The following KCNH7 variants were observed in gnomAD, a reference collection of about 807,000 sequenced individuals.
KCNH7 encodes the protein voltage-gated inwardly rectifying potassium channel KCNH7.
In KCNH7, 49 loss-of-function variants were observed where a neutral mutation model predicts 120.8. The observed-to-expected ratio is 0.41, with a 90% confidence interval of 0.32 to 0.51. The LOEUF (loss-of-function observed/expected upper bound fraction) is 0.51. KCNH7 is among the 20% of genes least tolerant of loss of function. The pLI, the probability that KCNH7 is intolerant of heterozygous loss-of-function variation, is 0.38. For synonymous variants in KCNH7, 547 were observed against 516.1 expected, an observed-to-expected ratio of 1.06 and a Z score of -0.81; for missense variants, 1,097 against 1,446.6, an observed-to-expected ratio of 0.76 and a Z score of 3.92.
At chr2:162,645,058 A>G (rs940389528) in intron 2 of KCNH7, among the ~76,000 whole-genome samples, 2 of 152,172 alleles carry the variant, frequency 1.3e-5, no homozygotes, top group African/African-American at 4.8e-5. Context: ...GCTCTGTTTT[A>G]GCAAAATCAG....
At chr2:162,729,405 GTTTTTCTT>G (rs57879870) in intron 2 of KCNH7, among the ~76,000 whole-genome samples, 7,451 of 151,780 alleles carry the variant, frequency 0.049, 530 homozygotes, top group African/African-American at 0.16. Flanking sequence ...CCCCAATTTT[GTTTTTCTT>G]TTTTTCTTTT....
chr2:162,807,273 A>AC (rs1300461137), intron 2 of KCNH7, among the ~76,000 whole-genome samples: 1,255 of 51,390 alleles, frequency 0.024, 49 homozygotes, highest in South Asian at 0.11. Context: ...AAAAAAAAAA[A>AC]AAAAAAAAAA....
chr2:162,674,490 AG>A (rs1301549789), intron 2 of KCNH7, among the ~76,000 whole-genome samples: 1 of 151,704 alleles, frequency 6.6e-6, no homozygotes, highest in Non-Finnish European at 1.5e-5. Flanking sequence ...GAAATTAAAA[AG>A]CTTATTCTTA....
intron 6 of KCNH7, among the ~76,000 whole-genome samples, chr2:162,468,790 G>T (rs185532052): frequency 6.6e-6 from 1 of 151,050 alleles, no homozygotes; most frequent in East Asian, 1.9e-4. Context: ...CTCATGATCC[G>T]CCCGCCTAGG....
intron 2 of KCNH7, among the ~76,000 whole-genome samples, chr2:162,689,779 C>A (rs1686036126): frequency 6.6e-6 from 1 of 151,978 alleles, no homozygotes. Flanking sequence ...GCTTTCCCAG[C>A]AGAAAATATA....
intron 5 of KCNH7, among the ~76,000 whole-genome samples, chr2:162,506,302 C>T (rs761077351): frequency 4.6e-5 from 7 of 151,782 alleles, no homozygotes; most frequent in Non-Finnish European, 4.4e-5. Context: ...ACAGAAACTC[C>T]GTTCTTCAGG....
intron 2 of KCNH7, among the ~76,000 whole-genome samples, chr2:162,698,567 C>G (rs1186601029): frequency 6.6e-6 from 1 of 151,814 alleles, no homozygotes; most frequent in Non-Finnish European, 1.5e-5. Flanking sequence ...CTCTAAGAAT[C>G]AACTGTGTTT....
At chr2:162,428,780 C>T (rs985761594) in intron 8 of KCNH7, among the ~76,000 whole-genome samples, 2 of 151,740 alleles carry the variant, frequency 1.3e-5, no homozygotes, top group East Asian at 3.9e-4. Context: ...GGTAATAGTA[C>T]CTGTCCTGAA....
chr2:162,592,788 CT>C (rs1694253484), intron 2 of KCNH7, among the ~76,000 whole-genome samples: 1 of 152,018 alleles, frequency 6.6e-6, no homozygotes, highest in African/African-American at 2.4e-5. Flanking sequence ...GCCTTATCAA[CT>C]TAGTTTCTGT....
intron 6 of KCNH7, among the ~76,000 whole-genome samples, chr2:162,496,392 C>T (rs1471016999): frequency 5.9e-5 from 9 of 152,014 alleles, no homozygotes; most frequent in African/African-American, 1.2e-4. Flanking sequence ...ACTAAGGGCC[C>T]GCATGCGCAC....
At chr2:162,487,568 C>G (rs1191766084) in intron 6 of KCNH7, among the ~76,000 whole-genome samples, 2 of 151,994 alleles carry the variant, frequency 1.3e-5, no homozygotes, top group Non-Finnish European at 2.9e-5. Context: ...ATCTAAGGCT[C>G]CTTTGAATTT....
intron 2 of KCNH7, among the ~76,000 whole-genome samples, chr2:162,540,642 G>A (rs1692272752): frequency 6.6e-6 from 1 of 152,062 alleles, no homozygotes; most frequent in Admixed American, 6.6e-5. Flanking sequence ...GTGGGACAGG[G>A]CAAGGTGGGG....
At chr2:162,700,752 A>G (rs1686467127) in intron 2 of KCNH7, among the ~76,000 whole-genome samples, 1 of 152,212 alleles carries the variant, frequency 6.6e-6, no homozygotes, top group Non-Finnish European at 1.5e-5. Context: ...CTTAACATTT[A>G]AGAATCTGTT....
intron 2 of KCNH7, among the ~76,000 whole-genome samples, chr2:162,627,533 C>T (rs991873241): frequency 2.0e-5 from 3 of 152,062 alleles, no homozygotes; most frequent in African/African-American, 4.8e-5. Flanking sequence ...AGTTCACAGT[C>T]AATAGGAATT....
Position 162,670,486 on chromosome 2 carries a change from A to G in KCNH7, c.308-133406T>C, listed in dbSNP as rs190827196. On this transcript the variant is annotated intron_variant, in intron 2 of 15. Transcript: ENST00000332142. ...GAACTCTGTCAAAAAAAAAAAAAAA[A>G]AAAAAAGAAAAATATTGACTGTATA... Among the ~76,000 whole-genome samples, 1,463 of 150,974 alleles carry G rather than the reference A, an allele frequency of 9.7e-3. 22 individuals carry two copies. The highest frequency in any genetic ancestry group is 0.015 in the South Asian group (74 of 4,798).
rs1314328802 is a variant in KCNH7, at chr2:162,400,228, T to A, written c.2368A>T (p.Ile790Phe). Residue 790 changes from isoleucine to phenylalanine, a missense_variant, in exon 10 of 16, where the codon ATT (isoleucine) becomes TTT (phenylalanine). This residue lies in a region of KCNH7 where 101 missense variants were observed against 176.3 expected (regional missense o/e 0.57). Transcript: ENST00000332142. ...TALYFLSRGS[I>F]EILKDDIVVA... ...ACAATGTCATCTTTGAGAATTTCAA[T>A]GGAGCCTCTGGATAAGAAATAAAGT... 1 of 1,612,026 alleles carries A rather than the reference T, an allele frequency of 6.2e-7. No individual in the cohort carries two copies. The highest frequency in any genetic ancestry group is 8.5e-7 in the Non-Finnish European group (1 of 1,178,804).
At position 162,439,837 on chromosome 2, in the gene KCNH7, T is replaced by C. The variant is rs549969510; in HGVS notation, c.1555-4240A>G. The stretch of plus-strand genomic sequence containing the variant: ...TAAACTAAGCACTATTTAAAAAATA[T>C]ATATATATATTCTAAACAATGAAGT... On this transcript the variant is annotated intron_variant, in intron 7 of 15. Coordinates refer to ENST00000332142, the MANE Select transcript of KCNH7 (RefSeq NM_033272.4). Among the ~76,000 whole-genome samples the C allele has an allele frequency of 3.8e-3, 570 of 151,728 alleles. 3 individuals are homozygous for C. Among genetic ancestry groups the C allele is most frequent in the Non-Finnish European group, 7.0e-3 (477 of 67,824 alleles).
chr2:162,752,902 GAAAA>G (rs140501872), intron 2 of KCNH7, among the ~76,000 whole-genome samples: 17 of 61,266 alleles, frequency 2.8e-4, no homozygotes, highest in East Asian at 8.5e-4. Context: ...CTACATCTCA[GAAAA>G]AGAAAAGAAA....
chr2:162,786,707 T>G lies in KCNH7; in HGVS notation c.307+49830A>C, dbSNP rs186345187. Among the ~76,000 whole-genome samples the G allele has an allele frequency of 1.2e-3, 181 of 152,310 alleles. 1 individual carries two copies. Among genetic ancestry groups the G allele is most frequent in the African/African-American group, 4.1e-3 (171 of 41,558 alleles). On this transcript the variant is annotated intron_variant, in intron 2 of 15. Coordinates refer to ENST00000332142, the MANE Select transcript of KCNH7 (RefSeq NM_033272.4). ...GCTTAAATTTACTGAACATGACCTA[T>G]GTTGATTTGGGGAGGTATCCAGATG... is the stretch of plus-strand genomic sequence containing the variant.
Sources: gnomAD v4.1 joint callset for allele counts (sites outside exome capture counted in the v4.1 genomes callset) on GRCh38, gnomAD v4.1.1 for gene constraint, gnomAD v4.1.1 regional missense constraint, MANE v1.5 for transcripts, NCBI Gene and HGNC (gene_info 2026-07-23, HGNC 2026-07-21) for gene names.